TBC1D19: variants seen among roughly 807,000 people sequenced by gnomAD.
The protein encoded by TBC1D19 is TBC1 domain family member 19.
In TBC1D19, 60 loss-of-function variants were observed where a neutral mutation model predicts 89.0. The ratio of observed to expected loss-of-function variants is 0.67; its 90% CI spans 0.55 to 0.84. The LOEUF is 0.84. Ranked by LOEUF, TBC1D19 falls within the 40% of genes least tolerant of loss-of-function variation. TBC1D19 has a pLI of 0.00. For synonymous variants in TBC1D19, 189 were observed against 199.7 expected (o/e 0.95, Z 0.45); for missense variants, 500 against 610.8 (o/e 0.82, Z 1.91).
chr4:26,634,552 C>T (rs1188604470), intron 4 of TBC1D19, among the ~76,000 whole-genome samples: 1 of 152,052 alleles, frequency 6.6e-6, no homozygotes, highest in Non-Finnish European at 1.5e-5. Context: ...GTATGTGCTA[C>T]AGTTAATTTT....
the TBC1D19 span, among the ~76,000 whole-genome samples, chr4:26,855,240 G>T: frequency 9.5e-4 from 144 of 152,278 alleles, 1 homozygote; most frequent in African/African-American, 3.3e-3. Flanking sequence ...ACTTTTGACT[G>T]TCACTTTAGG....
rs1299094094 is a variant in TBC1D19 at position 26,627,281 on chromosome 4, G to A, written c.294+6593G>A. On this transcript the variant is annotated intron_variant, in intron 4 of 20. Coordinates refer to ENST00000264866, the MANE Select transcript of TBC1D19 (RefSeq NM_018317.4). ...ATATGTGCCACATTTTCTTAATCCA[G>A]TCTATCATTGTTGGACATTTGGGTT... is the stretch of plus-strand genomic sequence containing the variant. 3.8e-4 allele frequency among the ~76,000 whole-genome samples: 58 copies of A among 151,992 alleles called. No individual in the cohort carries two copies. In the Middle Eastern group the frequency reaches 0.01, roughly 27 times the overall value.
intron 9 of TBC1D19, among the ~76,000 whole-genome samples, chr4:26,671,204 A>G (rs1183291886): frequency 1.3e-5 from 2 of 151,696 alleles, no homozygotes; most frequent in African/African-American, 2.4e-5. Flanking sequence ...TTTTACATTT[A>G]GAATTGTCAG....
chr4:26,771,385 A>G, the TBC1D19 span, among the ~76,000 whole-genome samples: 5 of 152,194 alleles, frequency 3.3e-5, no homozygotes, highest in African/African-American at 1.2e-4. Context: ...AGATTTGAAC[A>G]CATGTTCACT....
chr4:26,775,724 G>A, the TBC1D19 span, among the ~76,000 whole-genome samples: 1 of 152,118 alleles, frequency 6.6e-6, no homozygotes, highest in Non-Finnish European at 1.5e-5. Flanking sequence ...TGTTATAGCA[G>A]AACAACATGG....
At chr4:26,644,080 C>T (rs999327106) in intron 7 of TBC1D19, among the ~76,000 whole-genome samples, 1 of 151,958 alleles carries the variant, frequency 6.6e-6, no homozygotes, top group Non-Finnish European at 1.5e-5. Flanking sequence ...TTTATGACAC[C>T]AGCATCATCC....
the TBC1D19 span, among the ~76,000 whole-genome samples, chr4:26,823,189 A>G: frequency 6.3e-4 from 96 of 152,354 alleles, no homozygotes; most frequent in Middle Eastern, 3.4e-3. Flanking sequence ...CTTGTGCAGG[A>G]AAACTCCCAT....
At chr4:26,669,206 A>T (rs1301304549) in intron 9 of TBC1D19, among the ~76,000 whole-genome samples, 2 of 151,756 alleles carry the variant, frequency 1.3e-5, no homozygotes, top group Non-Finnish European at 2.9e-5. Flanking sequence ...AAAAAATCAT[A>T]CTCAGTTAGT....
intron 7 of TBC1D19, among the ~76,000 whole-genome samples, chr4:26,643,379 T>C (rs971146946): frequency 6.6e-6 from 1 of 151,986 alleles, no homozygotes; most frequent in African/African-American, 2.4e-5. Context: ...TTGAAACCAA[T>C]GAGAACAAAG....
chr4:26,738,259 T>C (rs1466314174), intron 16 of TBC1D19, among the ~76,000 whole-genome samples: 1 of 151,450 alleles, frequency 6.6e-6, no homozygotes, highest in Non-Finnish European at 1.5e-5. Context: ...ATTTTAAAAT[T>C]CTCTTTTCAT....
At chr4:26,676,067 GTTC>G (rs1487391278) in intron 11 of TBC1D19, among the ~76,000 whole-genome samples, 2 of 152,138 alleles carry the variant, frequency 1.3e-5, no homozygotes, top group Admixed American at 6.5e-5. Context: ...GACAGAAAAT[GTTC>G]TTCTACTTTT....
intron 7 of TBC1D19, among the ~76,000 whole-genome samples, chr4:26,656,958 TTTC>T (rs56762622): frequency 0.016 from 766 of 47,834 alleles, 66 homozygotes; most frequent in East Asian, 0.039. Context: ...CCCTGCAATC[TTTC>T]TTCTTCTTCT....
the TBC1D19 span, among the ~76,000 whole-genome samples, chr4:26,815,235 C>T: frequency 1.3e-5 from 2 of 152,330 alleles, no homozygotes; most frequent in South Asian, 4.1e-4. Context: ...GGCCAAAATT[C>T]ACCAGAAATA....
chr4:26,749,655 C>T (rs1018904554), intron 19 of TBC1D19, among the ~76,000 whole-genome samples: 2 of 151,960 alleles, frequency 1.3e-5, no homozygotes, highest in African/African-American at 4.8e-5. Flanking sequence ...CCATGTTGGC[C>T]AGGTTGGTCT....
In TBC1D19 at chr4:26,602,706, C is replaced by T. The variant is rs1439303863; in HGVS notation, c.100-10463C>T. Among the ~76,000 whole-genome samples the T allele has an allele frequency of 3.3e-5, 5 of 151,608 alleles. No individual in the cohort carries two copies. The East Asian group carries it at 9.7e-4, about 29-fold the overall frequency. ...CCACCCTCCTTGGCCTCCCAAAGTGCTGGGATTACAGGCGTGAGCCACCAC... is the reference window on the plus strand; with the variant it reads ...CCACCCTCCTTGGCCTCCCAAAGTGTTGGGATTACAGGCGTGAGCCACCAC... On this transcript the variant is annotated intron_variant, in intron 1 of 20. Coordinates refer to ENST00000264866, the MANE Select transcript of TBC1D19 (RefSeq NM_018317.4).
At chr4:26,607,228 G>T (rs1292979540) in intron 1 of TBC1D19, among the ~76,000 whole-genome samples, 6 of 152,134 alleles carry the variant, frequency 3.9e-5, no homozygotes, top group Non-Finnish European at 5.9e-5. Flanking sequence ...GTGAGTGAGA[G>T]GCATTTTGTT....
chr4:26,829,040 G>A, the TBC1D19 span, among the ~76,000 whole-genome samples: 1 of 152,210 alleles, frequency 6.6e-6, no homozygotes, highest in Non-Finnish European at 1.5e-5. Flanking sequence ...TATGGACTTT[G>A]CTTGGGCATC....
the TBC1D19 span, among the ~76,000 whole-genome samples, chr4:26,843,016 C>T: frequency 1.3e-5 from 2 of 152,092 alleles, no homozygotes; most frequent in Non-Finnish European, 2.9e-5. Context: ...TAAGAATGAA[C>T]AGGTCTTTCA....
At chr4:26,719,019 T>C (rs551611572) in intron 14 of TBC1D19, among the ~76,000 whole-genome samples, 110 of 152,212 alleles carry the variant, frequency 7.2e-4, no homozygotes, top group African/African-American at 2.6e-3. Flanking sequence ...CTTGAAGAAC[T>C]AGCCAGTACC....
Sources: allele counts gnomAD v4.1 joint callset (sites outside exome capture counted in the v4.1 genomes callset), GRCh38; gene constraint gnomAD v4.1.1; transcripts MANE v1.5; gene names NCBI Gene and HGNC (gene_info 2026-07-23, HGNC 2026-07-21).